The following TMBIM6 variants were observed in gnomAD, a reference collection of about 807,000 sequenced individuals.
The protein encoded by TMBIM6 is transmembrane BAX inhibitor motif containing 6, also known as bax inhibitor 1.
In TMBIM6, 13 loss-of-function variants were observed where a neutral mutation model predicts 31.4. The ratio of observed to expected loss-of-function variants is 0.41; its 90% CI spans 0.27 to 0.66. TMBIM6 has a LOEUF of 0.66. Ranked by LOEUF, TMBIM6 falls within the 30% of genes least tolerant of loss-of-function variation. The pLI is 0.28. For synonymous variants in TMBIM6, 85 were observed against 101.7 expected, an observed-to-expected ratio of 0.84 and a Z score of 0.99; for missense variants, 275 against 289.5, an observed-to-expected ratio of 0.95 and a Z score of 0.36.
chr12:49,751,867 A>C (rs1471737483), intron 1 of TMBIM6, among the ~76,000 whole-genome samples: 2 of 150,126 alleles, frequency 1.3e-5, no homozygotes, highest in Non-Finnish European at 2.9e-5. Flanking sequence ...GGTTCAAGCA[A>C]TTCTTCTGTC....
At position 49,762,989 on chromosome 12, in the gene TMBIM6, T is replaced by G. The variant is rs1945749126; in HGVS notation, c.*93T>G. The G allele has an allele frequency of 7.4e-7, 1 of 1,359,594 alleles. No homozygotes were observed. Among genetic ancestry groups the G allele is most frequent in the African/African-American group, 1.5e-5 (1 of 68,964 alleles). The allele number at this position is 1,359,594 out of a possible 1,614,324, so 84.2% of individuals were successfully genotyped here. ...TTACAGGTGGTGTGTTCTGTGATAA[T>G]GAAAAGCATCAGAAAAGCTTTTGTA... On this transcript the variant is annotated 3_prime_UTR_variant, in exon 10 of 10. Coordinates refer to ENST00000267115, the MANE Select transcript of TMBIM6 (RefSeq NM_003217.3).
chr12:49,755,696 A>G lies in TMBIM6; in HGVS notation c.227A>G (p.His76Arg). The change falls in exon 4 of 10, where the codon CAT becomes CGT. Residue 76 changes from histidine (H) to arginine (R), a missense_variant. By Grantham distance (29) the His-to-Arg change is conservative (BLOSUM62 0). Coordinates refer to ENST00000267115, the MANE Select transcript of TMBIM6 (RefSeq NM_003217.3). ...ATGATTTGGCTGATGGCAACACCTCATAGCCATGAAACTGAACAGAAAAGA... is the reference window on the plus strand; with the variant it reads ...ATGATTTGGCTGATGGCAACACCTCGTAGCCATGAAACTGAACAGAAAAGA... ...ILMIWLMATP[H>R]SHETEQKRLG... 6.2e-7 allele frequency: 1 copy of G among 1,614,184 alleles called. No individual in the cohort carries two copies. Among genetic ancestry groups the G allele is most frequent in the African/African-American group, 1.3e-5 (1 of 75,054 alleles).
chr12:49,747,612 T>C (rs377469649), intron 1 of TMBIM6, among the ~76,000 whole-genome samples: 199 of 152,346 alleles, frequency 1.3e-3, no homozygotes, highest in South Asian at 0.011. Flanking sequence ...CATGGCCTTT[T>C]TCCTTTTTTG....
intron 1 of TMBIM6, among the ~76,000 whole-genome samples, chr12:49,747,064 G>A (rs940859093): frequency 6.6e-6 from 1 of 151,732 alleles, no homozygotes; most frequent in Non-Finnish European, 1.5e-5. Context: ...TCTCGATCTC[G>A]TGACCTCAGG....
chr12:49,759,254 G>C lies in TMBIM6; in HGVS notation c.547G>C (p.Gly183Arg), dbSNP rs1304454080. ...GTATGTGGGACTGGTGGTCATGTGT[G>C]GCTTCGTCCTTTTTGATACTCAACT... ...NLYVGLVVMC[G>R]FVLFDTQLII... The change falls in exon 8 of 10, where the codon GGC becomes CGC. Residue 183 changes from glycine to arginine, a missense_variant. Coordinates refer to ENST00000267115, the MANE Select transcript of TMBIM6 (RefSeq NM_003217.3). The C allele has an allele frequency of 6.2e-7, 1 of 1,614,040 alleles. No homozygotes were observed. The highest frequency in any genetic ancestry group is 1.1e-5 in the South Asian group (1 of 91,078).
intron 2 of TMBIM6, 96 bp from the exon 3 acceptor site, chr12:49,752,877 C>G: frequency 8.7e-7 from 1 of 1,154,862 alleles, no homozygotes. Context: ...AGAACTTTTA[C>G]ATATTCCCAG....
At chr12:49,743,994 G>T (rs1321903627) in intron 1 of TMBIM6, among the ~76,000 whole-genome samples, 4 of 152,108 alleles carry the variant, frequency 2.6e-5, no homozygotes, top group Non-Finnish European at 5.9e-5. Context: ...AATAACCTTA[G>T]GTAAAATGAT....
At chr12:49,756,186 A>T (rs1024095185) in intron 4 of TMBIM6, among the ~76,000 whole-genome samples, 2 of 151,444 alleles carry the variant, frequency 1.3e-5, no homozygotes, top group African/African-American at 4.9e-5. Context: ...CAGGCTAGAG[A>T]GTGCAGTGGC....
intron 9 of TMBIM6, chr12:49,762,164 T>C (rs1469221601): frequency 4.9e-6 from 1 of 205,678 alleles, no homozygotes; most frequent in East Asian, 1.4e-4. Context: ...GCATTCTATA[T>C]AGGGCTAATG....
intron 3 of TMBIM6, among the ~76,000 whole-genome samples, chr12:49,753,603 T>C (rs1945535979): frequency 1.3e-5 from 2 of 152,208 alleles, no homozygotes; most frequent in South Asian, 2.1e-4. Flanking sequence ...GTTTGAGGAA[T>C]AACCAGAAAG....
In TMBIM6 at chr12:49,759,377, AGCTGAACTTAGGTTGGCATTG is replaced by A. The variant is rs1217157939; in HGVS notation, c.614+64_614+84del. 48 of 1,469,150 alleles carry A rather than the reference AGCTGAACTTAGGTTGGCATTG, an allele frequency of 3.3e-5. 1 individual carries two copies. In the East Asian group the frequency reaches 1.0e-3, roughly 31 times the overall value. The allele number at this position is 1,469,150 out of a possible 1,614,324, so 91.0% of individuals were successfully genotyped here. A position where few individuals can be genotyped will look rare whatever the true frequency, so the allele number is the denominator to read the frequency against. ...TGAAGGTTGAGGCATACCGTTCAGC[AGCTGAACTTAGGTTGGCATTG>A]GCTGAACATAGGTGGCCAAGCTTTG... On this transcript the variant is annotated intron_variant, in intron 8 of 9. Transcript: ENST00000267115.
chr12:49,743,611 A>G (rs1945339331), intron 1 of TMBIM6: 1 of 152,222 alleles, frequency 6.6e-6, no homozygotes, highest in African/African-American at 2.4e-5. Flanking sequence ...ATTTTCCCTG[A>G]TTATAGATAT....
In TMBIM6 at chr12:49,745,096, C is replaced by T. The variant is rs557750897; in HGVS notation, c.-31+3485C>T. On this transcript the variant is annotated intron_variant, in intron 1 of 9. Coordinates refer to ENST00000267115, the MANE Select transcript of TMBIM6 (RefSeq NM_003217.3). The stretch of plus-strand genomic sequence containing the variant: ...GGAGAGGCGGGGACATCTAGGGTGT[C>T]CACCTGGGAAGATCAAAGCTTGGTC... Among the ~76,000 whole-genome samples the T allele has an allele frequency of 1.6e-4, 25 of 152,202 alleles. No individual in the cohort carries two copies. In the East Asian group the frequency reaches 4.4e-3, roughly 27 times the overall value.
At chr12:49,754,359 G>A (rs1021011624) in intron 3 of TMBIM6, among the ~76,000 whole-genome samples, 2 of 152,198 alleles carry the variant, frequency 1.3e-5, no homozygotes, top group Non-Finnish European at 2.9e-5. Context: ...CAGAAAGACC[G>A]TAATGTGCCT....
At position 49,763,242 on chromosome 12, in the gene TMBIM6, T is replaced by G; in HGVS notation, c.*346T>G. 1 of 235,430 alleles carries G rather than the reference T, an allele frequency of 4.2e-6. No individual in the cohort carries two copies. Among genetic ancestry groups the G allele is most frequent in the South Asian group, 8.1e-5 (1 of 12,288 alleles). 14.6% of individuals were successfully genotyped at this position (235,430 alleles called of 1,614,324 possible). On this transcript the variant is annotated 3_prime_UTR_variant, in exon 10 of 10. Coordinates refer to ENST00000267115, the MANE Select transcript of TMBIM6 (RefSeq NM_003217.3). The stretch of plus-strand genomic sequence containing the variant: ...TTCCCACCAGGCTTCATTCACCCAG[T>G]GGACCTGAACTGTTTGGTAGAGCCA...
At chr12:49,752,815 T>C (rs887751891) in intron 2 of TMBIM6, 158 bp from the exon 3 acceptor site, 2 of 787,748 alleles carry the variant, frequency 2.5e-6, no homozygotes, top group East Asian at 2.8e-5. Context: ...TTTCAAAATA[T>C]TATTTTTTAT....
At chr12:49,747,190 C>G (rs1295010155) in intron 1 of TMBIM6, among the ~76,000 whole-genome samples, 1 of 152,038 alleles carries the variant, frequency 6.6e-6, no homozygotes, top group African/African-American at 2.4e-5. Context: ...TCAATTTGGT[C>G]CCTTCTAGAT....
rs1945758527 is a variant in TMBIM6 at position 49,763,455 on chromosome 12, A to G, written c.*559A>G. ...ATGCTTTGCTCCCTCTGAGCTGCCC[A>G]TGCTGGTCTGGCAAACACACCTTTC... On this transcript the variant is annotated 3_prime_UTR_variant, in exon 10 of 10. Coordinates refer to ENST00000267115, the MANE Select transcript of TMBIM6 (RefSeq NM_003217.3). The G allele has an allele frequency of 6.6e-6, 1 of 152,564 alleles. No individual in the cohort carries two copies. The allele number at this position is 152,564 out of a possible 1,614,324, so 9.5% of individuals were successfully genotyped here.
In TMBIM6 at chr12:49,758,275, G is replaced by C; in HGVS notation, c.335G>C (p.Ser112Thr). ...ALEFCIAVNP[S>T]ILPTAFMGTA... is the part of the protein sequence containing the mutation. ...GAGTTTTGTATTGCTGTCAACCCCA[G>C]GTAACTCTTTTGGTAGTGTCTTATG... The change falls in exon 5 of 10, where the codon AGC becomes ACC. Residue 112 changes from serine (S) to threonine (T), a missense_variant and splice_region_variant. Coordinates refer to ENST00000267115, the MANE Select transcript of TMBIM6 (RefSeq NM_003217.3). 1 of 1,614,146 alleles carries C rather than the reference G, an allele frequency of 6.2e-7. No homozygotes were observed. Among genetic ancestry groups the C allele is most frequent in the Non-Finnish European group, 8.5e-7 (1 of 1,179,992 alleles).
Sources: gnomAD v4.1 joint callset for allele counts (sites outside exome capture counted in the v4.1 genomes callset) on GRCh38, gnomAD v4.1.1 for gene constraint, MANE v1.5 for transcripts, NCBI Gene and HGNC (gene_info 2026-07-23, HGNC 2026-07-21) for gene names.